OR9Q1: variants seen among roughly 807,000 people sequenced by gnomAD.
The protein encoded by OR9Q1 is olfactory receptor family 9 subfamily Q member 1.
For missense variants in OR9Q1, 374 were observed against 378.8 expected, an observed-to-expected ratio of 0.99 and a Z score of 0.11; for synonymous variants, 153 against 148.6, an observed-to-expected ratio of 1.03 and a Z score of -0.22.
chr11:58,179,375 T>C (rs1041758966), intron 2 of OR9Q1, 56 bp from the exon 3 acceptor site: 21 of 1,065,858 alleles, frequency 2.0e-5, no homozygotes, highest in Middle Eastern at 2.1e-4. Context: ...GAACTACAAA[T>C]ACAGGTAAAT....
intron 2 of OR9Q1, among the ~76,000 whole-genome samples, chr11:58,089,463 G>C (rs1372104023): frequency 6.6e-6 from 1 of 151,738 alleles, no homozygotes; most frequent in African/African-American, 2.4e-5. Context: ...CTGTAGATGT[G>C]TATGTATGGT....
At chr11:58,107,951 T>C (rs773739873) in intron 2 of OR9Q1, among the ~76,000 whole-genome samples, 5 of 152,162 alleles carry the variant, frequency 3.3e-5, no homozygotes, top group Non-Finnish European at 7.4e-5. Context: ...GCTACAGGTC[T>C]ATCATTGTTG....
chr11:58,169,588 C>G (rs929826692), intron 2 of OR9Q1, among the ~76,000 whole-genome samples: 2 of 152,140 alleles, frequency 1.3e-5, no homozygotes, highest in Admixed American at 6.6e-5. Flanking sequence ...TCAATCTTTT[C>G]CACTGAAGGT....
chr11:58,163,021 G>A (rs1590622765), intron 2 of OR9Q1, among the ~76,000 whole-genome samples: 1 of 152,206 alleles, frequency 6.6e-6, no homozygotes, highest in Non-Finnish European at 1.5e-5. Flanking sequence ...ACAGAGGGGT[G>A]AATCAGATAG....
chr11:58,115,743 T>G (rs1565079954), intron 2 of OR9Q1, among the ~76,000 whole-genome samples: 1 of 152,200 alleles, frequency 6.6e-6, no homozygotes, highest in Non-Finnish European at 1.5e-5. Context: ...CTGTTTGTAT[T>G]TTTAAATGAA....
intron 2 of OR9Q1, among the ~76,000 whole-genome samples, chr11:58,101,718 C>G (rs1398588963): frequency 6.6e-6 from 1 of 152,086 alleles, no homozygotes; most frequent in Admixed American, 6.6e-5. Flanking sequence ...AGGTCAATGT[C>G]CAGAACAGGT....
At chr11:58,029,247 C>T (rs759184071) in intron 1 of OR9Q1, among the ~76,000 whole-genome samples, 3 of 152,182 alleles carry the variant, frequency 2.0e-5, no homozygotes, top group Non-Finnish European at 2.9e-5. Flanking sequence ...TACGCTGCTG[C>T]TGGCTGTCAG....
At chr11:58,030,772 A>AT (rs1853024145) in intron 1 of OR9Q1, among the ~76,000 whole-genome samples, 1 of 152,110 alleles carries the variant, frequency 6.6e-6, no homozygotes, top group South Asian at 2.1e-4. Flanking sequence ...TACTAATATT[A>AT]TTTGTTTTCT....
At chr11:58,079,711 G>A (rs1853571101) in intron 2 of OR9Q1, among the ~76,000 whole-genome samples, 1 of 152,160 alleles carries the variant, frequency 6.6e-6, no homozygotes, top group Non-Finnish European at 1.5e-5. Context: ...TGGAGAACAG[G>A]AAACCATGAG....
chr11:58,102,127 C>G (rs1853790000), intron 2 of OR9Q1, among the ~76,000 whole-genome samples: 2 of 151,748 alleles, frequency 1.3e-5, no homozygotes, highest in South Asian at 4.2e-4. Context: ...TGTTTTTTTT[C>G]TGATTTGGCT....
intron 2 of OR9Q1, among the ~76,000 whole-genome samples, chr11:58,136,691 G>A (rs917363323): frequency 1.3e-5 from 2 of 152,164 alleles, no homozygotes; most frequent in Non-Finnish European, 1.5e-5. Context: ...GAAGATGAGC[G>A]ACCATTGGGC....
intron 2 of OR9Q1, among the ~76,000 whole-genome samples, chr11:58,062,671 A>G (rs574032459): frequency 2.0e-5 from 3 of 152,222 alleles, no homozygotes; most frequent in Non-Finnish European, 2.9e-5. Flanking sequence ...GCCTGCAGGC[A>G]TGGGGATTGT....
At chr11:58,094,561 C>T (rs1853713371) in intron 2 of OR9Q1, among the ~76,000 whole-genome samples, 1 of 152,098 alleles carries the variant, frequency 6.6e-6, no homozygotes, top group Non-Finnish European at 1.5e-5. Context: ...AACTTTCAAC[C>T]ACTTTACTTT....
chr11:58,172,781 T>A (rs566056979), intron 2 of OR9Q1, among the ~76,000 whole-genome samples: 4 of 152,228 alleles, frequency 2.6e-5, no homozygotes, highest in African/African-American at 9.6e-5. Flanking sequence ...GTAAATGGGG[T>A]ATCCATCATC....
At chr11:58,055,505 AG>A (rs1853318544) in intron 1 of OR9Q1, among the ~76,000 whole-genome samples, 1 of 152,122 alleles carries the variant, frequency 6.6e-6, no homozygotes, top group Non-Finnish European at 1.5e-5. Flanking sequence ...TCTTTGTAAA[AG>A]GGCTGGAGGA....
intron 1 of OR9Q1, among the ~76,000 whole-genome samples, chr11:58,037,706 T>G (rs1327679697): frequency 7.1e-5 from 1 of 14,156 alleles, no homozygotes; most frequent in Non-Finnish European, 1.4e-4. Flanking sequence ...TTTTTTTTTT[T>G]TTTTTTTTTT....
chr11:58,119,243 G>A, intron 2 of OR9Q1: 1 of 1,614,006 alleles, frequency 6.2e-7, no homozygotes, highest in Non-Finnish European at 8.5e-7. Context: ...GCATCCAGCA[G>A]GGAGAGGTGG....
At chr11:58,116,997 A>G (rs913439810) in intron 2 of OR9Q1, 10 of 152,182 alleles carry the variant, frequency 6.6e-5, no homozygotes, top group Admixed American at 5.2e-4. Flanking sequence ...TCCTTGGTGC[A>G]AAGGATTGAG....
intron 2 of OR9Q1, among the ~76,000 whole-genome samples, chr11:58,095,461 G>A (rs376701913): frequency 6.6e-6 from 1 of 152,174 alleles, no homozygotes; most frequent in African/African-American, 2.4e-5. Flanking sequence ...AGAAATATTC[G>A]AGACTGGGTA....
Sources: allele counts gnomAD v4.1 joint callset (sites outside exome capture counted in the v4.1 genomes callset), GRCh38; gene constraint gnomAD v4.1.1; transcripts MANE v1.5; gene names NCBI Gene and HGNC (gene_info 2026-07-23, HGNC 2026-07-21).